Variants in SND1 observed in about 807,000 individuals in gnomAD.
SND1 encodes the protein staphylococcal nuclease domain-containing protein 1.
A neutral mutation model predicts 121.7 loss-of-function variants in SND1; 38 were observed. The ratio of observed to expected loss-of-function variants is 0.31; its 90% CI spans 0.24 to 0.41. The LOEUF (loss-of-function observed/expected upper bound fraction) is 0.41. Ranked by LOEUF, SND1 falls within the 10% of genes least tolerant of loss-of-function variation. The pLI is 1.00. For missense variants in SND1, 868 were observed against 1,184.6 expected (o/e 0.73, Z 3.92); for synonymous variants, 401 against 447.4 (o/e 0.90, Z 1.31).
At chr7:127,880,345 C>T (rs544733779) in intron 12 of SND1, among the ~76,000 whole-genome samples, 45 of 152,228 alleles carry the variant, frequency 3.0e-4, no homozygotes, top group Middle Eastern at 6.8e-3. Context: ...GGAAAAAATA[C>T]AGAGTTCAGT....
At chr7:128,035,069 A>G (rs992603765) in intron 16 of SND1, among the ~76,000 whole-genome samples, 9 of 152,234 alleles carry the variant, frequency 5.9e-5, no homozygotes, top group Non-Finnish European at 1.3e-4. Context: ...AGAGAGAGCT[A>G]AAAAAGCCAG....
At chr7:128,028,639 G>A in intron 16 of SND1, 1 of 1,565,250 alleles carries the variant, frequency 6.4e-7, no homozygotes, top group Non-Finnish European at 8.7e-7. Context: ...GTCTTTGTGT[G>A]CATTCTATTG....
chr7:127,895,407 G>T (rs1239552182), intron 13 of SND1, among the ~76,000 whole-genome samples: 1 of 152,070 alleles, frequency 6.6e-6, no homozygotes, highest in East Asian at 1.9e-4. Context: ...GCCAGTACAG[G>T]TTGAAAGCCA....
At chr7:127,792,022 A>C (rs2116542978) in intron 10 of SND1, among the ~76,000 whole-genome samples, 1 of 152,326 alleles carries the variant, frequency 6.6e-6, no homozygotes, top group African/African-American at 2.4e-5. Flanking sequence ...GGTAGAAAAA[A>C]TTATAGGTTA....
rs954562772 is a variant in SND1, at chr7:128,050,878, C to T, written c.1780-23624C>T. 5.9e-5 allele frequency among the ~76,000 whole-genome samples: 9 copies of T among 152,240 alleles called. 1 individual carries two copies. The highest frequency in any genetic ancestry group is 5.9e-4 in the Admixed American group (9 of 15,288). ...GAGGCAGCAGGGCTAAGTCAGTCCT[C>T]CTGAGCTGAGAAAGAGCATCATTTC... On this transcript the variant is annotated intron_variant, in intron 16 of 23. Transcript: ENST00000354725.
intron 10 of SND1, among the ~76,000 whole-genome samples, chr7:127,742,935 T>A (rs1796910848): frequency 6.6e-6 from 1 of 152,168 alleles, no homozygotes; most frequent in Non-Finnish European, 1.5e-5. Context: ...TCTAGTGGTG[T>A]TCCTGGTTTA....
intron 10 of SND1, among the ~76,000 whole-genome samples, chr7:127,788,434 C>G (rs913404863): frequency 3.9e-5 from 6 of 152,162 alleles, no homozygotes; most frequent in African/African-American, 9.7e-5. Context: ...GAAATGCTCT[C>G]AGCTGTCCTT....
At chr7:127,813,562 T>C (rs1382511683) in intron 11 of SND1, among the ~76,000 whole-genome samples, 2 of 152,114 alleles carry the variant, frequency 1.3e-5, no homozygotes, top group Non-Finnish European at 2.9e-5. Context: ...GTTGTTGTTG[T>C]TGTTGTTTTC....
intron 12 of SND1, among the ~76,000 whole-genome samples, chr7:127,850,616 A>G (rs955880662): frequency 1.3e-5 from 2 of 152,202 alleles, no homozygotes; most frequent in African/African-American, 4.8e-5. Flanking sequence ...AAGACACTAG[A>G]ATGAGGGTTG....
In SND1 at chr7:127,763,602, T is replaced by C. The variant is rs1294562558; in HGVS notation, c.1152+42202T>C. Among the ~76,000 whole-genome samples, 3 of 152,176 alleles carry C rather than the reference T, an allele frequency of 2.0e-5. No homozygotes were observed. The East Asian group carries it at 5.8e-4, about 29-fold the overall frequency. ...TGATTTTTGTTTCCATTTATTTCTA[T>C]TAATAATAATATGATACTTGTTAAA... is the stretch of plus-strand genomic sequence containing the variant. On this transcript the variant is annotated intron_variant, in intron 10 of 23. Coordinates refer to ENST00000354725, the MANE Select transcript of SND1 (RefSeq NM_014390.4).
intron 1 of SND1, among the ~76,000 whole-genome samples, chr7:127,665,341 C>T (rs1475429197): frequency 6.6e-6 from 1 of 152,044 alleles, no homozygotes; most frequent in African/African-American, 2.4e-5. Context: ...CGCCCGCCAC[C>T]ACGCCCGGCC....
At chr7:127,702,691 T>C (rs1276643263) in intron 6 of SND1, among the ~76,000 whole-genome samples, 165 bp downstream of exon 6, 2 of 152,210 alleles carry the variant, frequency 1.3e-5, no homozygotes, top group African/African-American at 4.8e-5. Context: ...ACAGTTCTAA[T>C]TGGATCAAAT....
chr7:127,736,764 C>T (rs1587629813), intron 10 of SND1, among the ~76,000 whole-genome samples: 1 of 152,184 alleles, frequency 6.6e-6, no homozygotes, highest in African/African-American at 2.4e-5. Context: ...CCCATCCCCC[C>T]AAACAGCTGA....
Position 127,861,548 on chromosome 7 carries a change from C to T in SND1, c.1343+17124C>T, listed in dbSNP as rs187010019. On this transcript the variant is annotated intron_variant, in intron 12 of 23. Coordinates refer to ENST00000354725, the MANE Select transcript of SND1 (RefSeq NM_014390.4). ...GGAATGCAGTGGCGCTGTCTTGGCTCACTGCAACCTCCGACTCCCAGGTTT... is the reference window on the plus strand; with the variant it reads ...GGAATGCAGTGGCGCTGTCTTGGCTTACTGCAACCTCCGACTCCCAGGTTT... Among the ~76,000 whole-genome samples, 7 of 152,318 alleles carry T rather than the reference C, an allele frequency of 4.6e-5. No homozygotes were observed. In the East Asian group the frequency reaches 1.2e-3, roughly 25 times the overall value.
chr7:128,082,116 TGG>T (rs1315735848), intron 18 of SND1, among the ~76,000 whole-genome samples: 3 of 152,160 alleles, frequency 2.0e-5, no homozygotes, highest in African/African-American at 7.2e-5. Flanking sequence ...GGCAGAGACC[TGG>T]GGTTTCTGGA....
chr7:128,064,803 C>T (rs949209705), intron 16 of SND1, among the ~76,000 whole-genome samples: 4 of 151,968 alleles, frequency 2.6e-5, no homozygotes, highest in East Asian at 1.9e-4. Flanking sequence ...GGAGAAAAAG[C>T]CAAGATTGGG....
Position 127,686,627 on chromosome 7 carries a change from C to T in SND1, c.93C>T (p.Cys31=), listed in dbSNP as rs372913206. The T allele has an allele frequency of 1.5e-5, 25 of 1,613,812 alleles. No homozygotes were observed. Among genetic ancestry groups the T allele is most frequent in the East Asian group, 6.7e-5 (3 of 44,884 alleles). The part of the protein sequence containing the change: ...RGIIKMVLSG[C]AIIVRGQPRG... ...CCCCTACGTAGGTCCTCTCAGGGTGCGCCATCATTGTCCGAGGTCAGCCTC... is the reference window on the plus strand; with the variant it reads ...CCCCTACGTAGGTCCTCTCAGGGTGTGCCATCATTGTCCGAGGTCAGCCTC... The change falls in exon 2 of 24, where the codon TGC becomes TGT. Residue 31 remains cysteine, a synonymous_variant. Coordinates refer to ENST00000354725, the MANE Select transcript of SND1 (RefSeq NM_014390.4).
intron 1 of SND1, among the ~76,000 whole-genome samples, chr7:127,668,024 C>T (rs1795450871): frequency 6.6e-6 from 1 of 152,072 alleles, no homozygotes; most frequent in African/African-American, 2.4e-5. Flanking sequence ...CAGTTAAATG[C>T]CATCATCTTT....
At chr7:128,062,147 C>T (rs777554644) in intron 16 of SND1, among the ~76,000 whole-genome samples, 52 of 152,214 alleles carry the variant, frequency 3.4e-4, no homozygotes, top group Non-Finnish European at 5.9e-4. Context: ...TGTAGGTTAA[C>T]GGGGCTGCTG....
Sources: allele counts gnomAD v4.1 joint callset (sites outside exome capture counted in the v4.1 genomes callset), GRCh38; gene constraint gnomAD v4.1.1; transcripts MANE v1.5; gene names NCBI Gene and HGNC (gene_info 2026-07-23, HGNC 2026-07-21).